Variants in CFAP95 observed in about 807,000 individuals in gnomAD.
CFAP95 encodes cilia- and flagella-associated protein 95.
At chr9:69,886,348 G>A in the CFAP95 span, among the ~76,000 whole-genome samples, 902 of 152,184 alleles carry the variant, frequency 5.9e-3, 4 homozygotes, top group Non-Finnish European at 0.01. Flanking sequence ...AAAAAAAATC[G>A]TATGCTGAGG....
the CFAP95 span, chr9:69,857,842 A>G: frequency 6.7e-7 from 1 of 1,481,866 alleles, no homozygotes; most frequent in Non-Finnish European, 9.4e-7. Context: ...AATTAGTTTT[A>G]CATGGCTTTG....
At chr9:69,867,951 A>T in the CFAP95 span, among the ~76,000 whole-genome samples, 1 of 152,240 alleles carries the variant, frequency 6.6e-6, no homozygotes, top group Non-Finnish European at 1.5e-5. Context: ...TCCACAGAAT[A>T]ATCAGAGATA....
chr9:69,859,467 T>G, the CFAP95 span, among the ~76,000 whole-genome samples: 1 of 152,162 alleles, frequency 6.6e-6, no homozygotes, highest in Non-Finnish European at 1.5e-5. Context: ...TTCTCCAAGA[T>G]GCCTTTTGTT....
the CFAP95 span, among the ~76,000 whole-genome samples, chr9:69,887,160 C>T: frequency 6.6e-6 from 1 of 152,168 alleles, no homozygotes; most frequent in Non-Finnish European, 1.5e-5. Flanking sequence ...TACTTGTCCC[C>T]TCCCTGAATT....
chr9:69,864,384 A>G, the CFAP95 span, among the ~76,000 whole-genome samples: 2 of 152,014 alleles, frequency 1.3e-5, no homozygotes, highest in Non-Finnish European at 2.9e-5. Context: ...GTATAGAAAA[A>G]TAGGATAGGA....
chr9:69,822,824 C>T, the CFAP95 span, among the ~76,000 whole-genome samples: 3 of 152,232 alleles, frequency 2.0e-5, no homozygotes, highest in African/African-American at 4.8e-5. Flanking sequence ...GGACCTCATG[C>T]GTTGGTTTTA....
the CFAP95 span, among the ~76,000 whole-genome samples, chr9:69,890,505 A>G: frequency 6.6e-5 from 10 of 152,242 alleles, no homozygotes; most frequent in African/African-American, 2.4e-4. Flanking sequence ...GATTATAATA[A>G]CAGTGGATAG....
chr9:69,881,359 G>A, the CFAP95 span, among the ~76,000 whole-genome samples: 2,322 of 152,228 alleles, frequency 0.015, 56 homozygotes, highest in African/African-American at 0.052. Context: ...AGAGATAGGG[G>A]TCTAGTTTCA....
chr9:69,876,767 T>G, the CFAP95 span, among the ~76,000 whole-genome samples: 1 of 152,036 alleles, frequency 6.6e-6, no homozygotes, highest in Admixed American at 6.6e-5. Context: ...CCCAAGTAGC[T>G]GGGACTACAG....
chr9:69,898,178 C>A, the CFAP95 span, among the ~76,000 whole-genome samples: 1 of 152,148 alleles, frequency 6.6e-6, no homozygotes, highest in Non-Finnish European at 1.5e-5. Context: ...TTGTCAGATG[C>A]TACTCTGGGT....
At chr9:69,903,176 G>A in the CFAP95 span, among the ~76,000 whole-genome samples, 4 of 152,186 alleles carry the variant, frequency 2.6e-5, no homozygotes, top group African/African-American at 9.7e-5. Context: ...TTGGTTATAG[G>A]AGAGCTGCAA....
the CFAP95 span, among the ~76,000 whole-genome samples, chr9:69,841,825 C>T: frequency 6.6e-6 from 1 of 152,134 alleles, no homozygotes; most frequent in Non-Finnish European, 1.5e-5. Context: ...CATCAGATCT[C>T]ATGAGACTTG....
At chr9:69,860,334 G>A in the CFAP95 span, among the ~76,000 whole-genome samples, 1 of 152,064 alleles carries the variant, frequency 6.6e-6, no homozygotes, top group Non-Finnish European at 1.5e-5. Flanking sequence ...AACAGTGGGA[G>A]CAAGAGAGAG....
At chr9:69,886,816 C>G in the CFAP95 span, 1 of 1,595,082 alleles carries the variant, frequency 6.3e-7, no homozygotes, top group Non-Finnish European at 8.6e-7. Context: ...TCATTCTTTC[C>G]TCATTGACTT....
At chr9:69,889,781 A>G in the CFAP95 span, among the ~76,000 whole-genome samples, 3 of 152,140 alleles carry the variant, frequency 2.0e-5, no homozygotes, top group Non-Finnish European at 2.9e-5. Flanking sequence ...TTAATCAAGT[A>G]TGTTATAGTC....
At chr9:69,840,238 G>A in the CFAP95 span, among the ~76,000 whole-genome samples, 4 of 152,038 alleles carry the variant, frequency 2.6e-5, no homozygotes, top group Admixed American at 6.6e-5. Context: ...ATGGCAAGTC[G>A]TTCGATGACT....
chr9:69,826,939 A>G, the CFAP95 span, among the ~76,000 whole-genome samples: 1 of 152,198 alleles, frequency 6.6e-6, no homozygotes, highest in African/African-American at 2.4e-5. Context: ...TATAGTACAA[A>G]ATCCCCACTA....
the CFAP95 span, among the ~76,000 whole-genome samples, chr9:69,846,390 T>C: frequency 0.21 from 31,264 of 152,144 alleles, 3,401 homozygotes; most frequent in Non-Finnish European, 0.25. Flanking sequence ...ATTGAAACCC[T>C]GTCCTCCACC....
the CFAP95 span, among the ~76,000 whole-genome samples, chr9:69,852,434 T>C: frequency 1.3e-5 from 2 of 152,156 alleles, no homozygotes; most frequent in Non-Finnish European, 2.9e-5. Flanking sequence ...CAAACAGATC[T>C]GGTCAAAATA....
Sources: allele counts gnomAD v4.1 joint callset (sites outside exome capture counted in the v4.1 genomes callset), GRCh38; gene constraint gnomAD v4.1.1; transcripts MANE v1.5; gene names NCBI Gene and HGNC (gene_info 2026-07-23, HGNC 2026-07-21).